The following PCDH11X variants were observed in gnomAD, a reference collection of about 807,000 sequenced individuals.
The protein encoded by PCDH11X is protocadherin 11 X-linked, also known as protocadherin-11 X-linked.
Under a neutral mutation model 53.3 loss-of-function variants are expected in PCDH11X, and 18 were observed. The ratio of observed to expected loss-of-function variants is 0.34; its 90% CI spans 0.23 to 0.50. The LOEUF (loss-of-function observed/expected upper bound fraction) is 0.50, where lower values mean the gene tolerates loss of function less well. Among genes scored for constraint, PCDH11X ranks in the 20% least tolerant of loss-of-function variants. The probability of loss-of-function intolerance (pLI) is 0.98; values close to 1 mark genes in which losing one functional copy is unlikely to be tolerated. For missense variants in PCDH11X, 570 were observed against 1,032.4 expected (o/e 0.55, Z 6.14); for synonymous variants, 279 against 393.3 (o/e 0.71, Z 3.44).
intron 6 of PCDH11X, among the ~76,000 whole-genome samples, chrX:91,916,049 T>C (rs893189746): frequency 9.1e-6 from 1 of 110,400 alleles, no homozygotes; most frequent in Admixed American, 9.7e-5. Context: ...CTCAAAACTA[T>C]ACAAATACAT....
chrX:92,172,723 G>C (rs1401597234), intron 6 of PCDH11X, among the ~76,000 whole-genome samples: 1 of 111,603 alleles, frequency 9.0e-6, no homozygotes, highest in East Asian at 2.8e-4. Context: ...TTTATATGGG[G>C]TCCTAGATAG....
At chrX:92,347,864 C>A (rs991919385) in intron 8 of PCDH11X, among the ~76,000 whole-genome samples, 10 of 111,710 alleles carry the variant, frequency 9.0e-5, no homozygotes, top group African/African-American at 2.9e-4. Context: ...TTATTTTCTC[C>A]AAGTAGCATA....
At chrX:92,186,095 T>C (rs1603133259) in intron 6 of PCDH11X, among the ~76,000 whole-genome samples, 1 of 111,455 alleles carries the variant, frequency 9.0e-6, no homozygotes, top group Non-Finnish European at 1.9e-5. Context: ...AGCTAAGATA[T>C]AGAATCAACC....
intron 8 of PCDH11X, among the ~76,000 whole-genome samples, chrX:92,331,344 T>TCTTC (rs2069480589): frequency 2.5e-5 from 2 of 79,529 alleles, no homozygotes; most frequent in Non-Finnish European, 4.7e-5. Flanking sequence ...CTTCCTTCCT[T>TCTTC]TTCCCCCTCC....
Position 92,535,479 on chromosome X carries a change from C to G in PCDH11X, c.3367+67157C>G, listed in dbSNP as rs187695147. ...CAGTGTAAGCTAAATAATGAGAATACATAGACATATAGAGGGGAAAAACAG... is the reference window on the plus strand; with the variant it reads ...CAGTGTAAGCTAAATAATGAGAATAGATAGACATATAGAGGGGAAAAACAG... On this transcript the variant is annotated intron_variant, in intron 10 of 10. Transcript: ENST00000682573. Among the ~76,000 whole-genome samples, 46 of 110,443 alleles carry G rather than the reference C, an allele frequency of 4.2e-4. No homozygotes were observed. In the East Asian group the frequency reaches 0.012, roughly 28 times the overall value.
intron 10 of PCDH11X, among the ~76,000 whole-genome samples, chrX:92,523,530 C>G (rs955543006): frequency 9.0e-6 from 1 of 111,709 alleles, no homozygotes; most frequent in African/African-American, 3.3e-5. Flanking sequence ...CTATTGCAGT[C>G]TTAACTGAAG....
chrX:92,463,580 T>C lies in PCDH11X; in HGVS notation c.3344-4719T>C, dbSNP rs190463846. Among the ~76,000 whole-genome samples the C allele has an allele frequency of 2.9e-3, 321 of 111,873 alleles. 2 individuals are homozygous for C. The highest frequency in any genetic ancestry group is 9.9e-3 in the African/African-American group (304 of 30,792). On this transcript the variant is annotated intron_variant, in intron 9 of 10. Transcript: ENST00000682573. ...ATCTAAGTCATTTTATTTCTCTTGA[T>C]GTCATTCTTCATGTGTATATTGAGG...
chrX:92,017,467 G>A (rs766702484), intron 6 of PCDH11X, among the ~76,000 whole-genome samples: 8 of 107,165 alleles, frequency 7.5e-5, no homozygotes, highest in South Asian at 8.6e-4. Flanking sequence ...GGGAGGCTGA[G>A]ATGGGCAGAT....
chrX:92,168,626 G>A (rs1360052132), intron 6 of PCDH11X, among the ~76,000 whole-genome samples: 1 of 111,352 alleles, frequency 9.0e-6, no homozygotes, highest in Non-Finnish European at 1.9e-5. Flanking sequence ...AAATAAACAT[G>A]TGTGTCTTTT....
chrX:92,093,460 A>G (rs2064081846), intron 6 of PCDH11X, among the ~76,000 whole-genome samples: 1 of 111,898 alleles, frequency 8.9e-6, no homozygotes, highest in Admixed American at 9.5e-5. Context: ...TTACTACATC[A>G]GTGTGAACCA....
chrX:91,889,963 T>G lies in PCDH11X; in HGVS notation c.3033+10690T>G, dbSNP rs781277463. Among the ~76,000 whole-genome samples the G allele has an allele frequency of 3.6e-5, 4 of 110,179 alleles. No homozygotes were observed. In the East Asian group the frequency reaches 1.2e-3, roughly 32 times the overall value. Reference sequence around the variant, plus strand: ...ATTTTACATTTATACATTTTAGTTGTGTATAAAGACATACACTTATTTATT... The same window carrying G: ...ATTTTACATTTATACATTTTAGTTGGGTATAAAGACATACACTTATTTATT... On this transcript the variant is annotated intron_variant, in intron 6 of 10. Coordinates refer to ENST00000682573, the MANE Select transcript of PCDH11X (RefSeq NM_032968.5).
At chrX:92,551,673 T>C (rs1019983242) in intron 10 of PCDH11X, among the ~76,000 whole-genome samples, 21 of 110,537 alleles carry the variant, frequency 1.9e-4, no homozygotes, top group Non-Finnish European at 3.8e-4. Context: ...TTGTTGTAGG[T>C]TCATAGTTTG....
chrX:92,474,583 GT>G (rs199844260), intron 10 of PCDH11X, among the ~76,000 whole-genome samples: 1,163 of 84,425 alleles, frequency 0.014, 27 homozygotes, highest in African/African-American at 0.05. Context: ...ATACAATTTA[GT>G]TTTTTTTTTA....
intron 6 of PCDH11X, among the ~76,000 whole-genome samples, chrX:91,913,042 G>C (rs187469098): frequency 9.0e-6 from 1 of 111,547 alleles, no homozygotes; most frequent in East Asian, 2.8e-4. Context: ...TGCCTTGCAT[G>C]CACTCCCAGC....
intron 4 of PCDH11X, among the ~76,000 whole-genome samples, chrX:91,828,282 G>T (rs1353030399): frequency 9.1e-6 from 1 of 109,473 alleles, no homozygotes; most frequent in African/African-American, 3.3e-5. Context: ...ACCACGCCCG[G>T]CTAATTTTTT....
chrX:92,597,851 C>T (rs2750665), intron 10 of PCDH11X, among the ~76,000 whole-genome samples: 5 of 111,247 alleles, frequency 4.5e-5, no homozygotes, highest in South Asian at 3.7e-4. Flanking sequence ...GGAACAGAAT[C>T]GAGAACCTAC....
At chrX:92,288,676 T>C (rs1291629716) in intron 8 of PCDH11X, among the ~76,000 whole-genome samples, 1 of 111,604 alleles carries the variant, frequency 9.0e-6, no homozygotes, top group Non-Finnish European at 1.9e-5. Flanking sequence ...ATTGTCAGTA[T>C]GGAAAAATAA....
intron 6 of PCDH11X, among the ~76,000 whole-genome samples, chrX:92,002,494 G>A: frequency 9.2e-6 from 1 of 108,250 alleles, no homozygotes; most frequent in Non-Finnish European, 1.9e-5. Flanking sequence ...AGGGTAGTAT[G>A]GACATTTTAA....
intron 10 of PCDH11X, among the ~76,000 whole-genome samples, chrX:92,569,397 T>A (rs1219646246): frequency 1.8e-5 from 2 of 108,817 alleles, no homozygotes; most frequent in African/African-American, 6.7e-5. Context: ...CATTAATCCT[T>A]TATTAAGGGC....
Sources: allele counts gnomAD v4.1 joint callset (sites outside exome capture counted in the v4.1 genomes callset), GRCh38; gene constraint gnomAD v4.1.1; transcripts MANE v1.5; gene names NCBI Gene and HGNC (gene_info 2026-07-23, HGNC 2026-07-21).